Variants in PCDHA4 observed in about 807,000 individuals in gnomAD.
The protein encoded by PCDHA4 is protocadherin alpha-4.
In PCDHA4, 49 loss-of-function variants were observed where a neutral mutation model predicts 61.4. That is an observed-to-expected ratio of 0.80 (90% confidence interval 0.63 to 1.01). The LOEUF is 1.01. PCDHA4 is among the 50% of genes least tolerant of loss of function. PCDHA4 has a pLI of 0.00. For synonymous variants in PCDHA4, 590 were observed against 550.3 expected (o/e 1.07, Z -1.01); for missense variants, 1,254 against 1,235.8 (o/e 1.01, Z -0.22).
intron 1 of PCDHA4, chr5:140,851,957 G>A: frequency 1.0e-6 from 1 of 975,112 alleles, no homozygotes; most frequent in Non-Finnish European, 1.2e-6. Flanking sequence ...TCAAAATGGT[G>A]GTTTTCCACA....
chr5:140,882,226 G>T, intron 1 of PCDHA4: 1 of 1,564,150 alleles, frequency 6.4e-7, no homozygotes, highest in Admixed American at 1.9e-5. Context: ...GAGGTAAGGC[G>T]TTGTATATAT....
At chr5:140,901,502 T>G (rs782679945) in intron 1 of PCDHA4, among the ~76,000 whole-genome samples, 1 of 152,182 alleles carries the variant, frequency 6.6e-6, no homozygotes, top group Non-Finnish European at 1.5e-5. Context: ...CGAAAATGAG[T>G]TCATTATAGA....
At chr5:140,901,941 T>C (rs1350790379) in intron 1 of PCDHA4, among the ~76,000 whole-genome samples, 3 of 152,110 alleles carry the variant, frequency 2.0e-5, no homozygotes, top group African/African-American at 7.2e-5. Flanking sequence ...CTAGGTATAT[T>C]TAGTTTTATT....
chr5:140,884,745 A>G (rs1479357916), intron 1 of PCDHA4: 20 of 1,431,734 alleles, frequency 1.4e-5, no homozygotes, highest in Non-Finnish European at 1.7e-5. Context: ...TTTCCTGCCA[A>G]TTTCAAATTA....
rs201643490 is a variant in PCDHA4 at position 140,856,993 on chromosome 5, T to A, written c.2385+47421T>A. 5.0e-6 allele frequency: 8 copies of A among 1,595,442 alleles called. No homozygotes were observed. In the East Asian group the frequency reaches 1.3e-4, roughly 27 times the overall value. On this transcript the variant is annotated intron_variant, in intron 1 of 3. Transcript: ENST00000530339. Reference sequence around the variant, plus strand: ...TTGACTTTGAGGACAGTAACACTTATGAAATTCATGTAGATGTTACAGATA... The same window carrying A: ...TTGACTTTGAGGACAGTAACACTTAAGAAATTCATGTAGATGTTACAGATA...
Position 141,010,990 on chromosome 5 carries a change from A to G in PCDHA4, c.*1053A>G, listed in dbSNP as rs1399914066. The stretch of plus-strand genomic sequence containing the variant: ...GTGCTTTAAGAGAATTGCCTGAAAC[A>G]TCTGTATTATATCGGCCACCTGCCA... On this transcript the variant is annotated 3_prime_UTR_variant, in exon 4 of 4. Transcript: ENST00000530339. The G allele has an allele frequency of 6.5e-6, 1 of 153,770 alleles. No individual in the cohort carries two copies. Among genetic ancestry groups the G allele is most frequent in the Non-Finnish European group, 1.5e-5 (1 of 68,054 alleles). 9.5% of individuals were successfully genotyped at this position (153,770 alleles called of 1,614,324 possible). A position where few individuals can be genotyped will look rare whatever the true frequency, so the allele number is the denominator to read the frequency against.
chr5:140,994,233 T>A (rs2097606681), intron 3 of PCDHA4, among the ~76,000 whole-genome samples: 1 of 152,138 alleles, frequency 6.6e-6, no homozygotes, highest in Admixed American at 6.5e-5. Context: ...TATGTTATAA[T>A]CAATTCAAAC....
At chr5:140,837,003 A>T (rs1386958207) in intron 1 of PCDHA4, 2 of 326,856 alleles carry the variant, frequency 6.1e-6, no homozygotes, top group Admixed American at 8.8e-5. Flanking sequence ...AACTGGAGCA[A>T]TGGATTCACC....
intron 1 of PCDHA4, chr5:140,823,703 G>A: frequency 1.2e-6 from 2 of 1,613,934 alleles, no homozygotes; most frequent in South Asian, 2.2e-5. Flanking sequence ...GAAGCACCGC[G>A]CCACCGCCTT....
chr5:140,869,126 G>T, intron 1 of PCDHA4: 2 of 1,611,852 alleles, frequency 1.2e-6, no homozygotes, highest in South Asian at 2.2e-5. Flanking sequence ...CAGAGAAGGG[G>T]ATTGGGCACC....
At chr5:141,004,679 TG>T in intron 3 of PCDHA4, among the ~76,000 whole-genome samples, 1 of 152,160 alleles carries the variant, frequency 6.6e-6, no homozygotes, top group South Asian at 2.1e-4. Context: ...GACTGTGGAG[TG>T]GTGCTGAAAC....
At chr5:140,830,343 CGCA>C in intron 1 of PCDHA4, 1 of 1,614,058 alleles carries the variant, frequency 6.2e-7, no homozygotes, top group Non-Finnish European at 8.5e-7. Context: ...TGGTCGTACT[CGCA>C]GCAGAGGCGG....
rs868965340 is a variant in PCDHA4, at chr5:141,007,276, G to A, written c.2534-2351G>A. On this transcript the variant is annotated intron_variant, in intron 3 of 3. Transcript: ENST00000530339. ...TAAAAGAAGCAGATACAGGCTGGGT[G>A]CAGTGGGCTCATGCCTGTAATCTTA... Among the ~76,000 whole-genome samples the A allele has an allele frequency of 3.3e-5, 5 of 151,858 alleles. No homozygotes were observed. In the South Asian group the frequency reaches 8.3e-4, roughly 25 times the overall value.
chr5:140,822,244 T>C (rs1424372692), intron 1 of PCDHA4: 2 of 1,614,120 alleles, frequency 1.2e-6, no homozygotes, highest in Non-Finnish European at 1.7e-6. Flanking sequence ...AGAGGGCGCG[T>C]CGGATTTGGA....
chr5:140,877,465 G>A, intron 1 of PCDHA4: 1 of 1,613,856 alleles, frequency 6.2e-7, no homozygotes, highest in Non-Finnish European at 8.5e-7. Context: ...CACGGCCACG[G>A]TGCTGGTGTC....
chr5:140,870,805 C>T, intron 1 of PCDHA4: 4 of 1,613,712 alleles, frequency 2.5e-6, no homozygotes, highest in Non-Finnish European at 3.4e-6. Flanking sequence ...GCTGGCGACT[C>T]AGGCTGGCAG....
At position 140,809,536 on chromosome 5, in the gene PCDHA4, A is replaced by G. The variant is rs782052036; in HGVS notation, c.2349A>G (p.Glu783=). ...SPSLPDSRDR[E]DQLQTTEESF... is the part of the protein sequence containing the mutation. ...GTTTACCTGACTCTAGGGACAGAGA[A>G]GATCAGCTGCAGACAACTGAGGAAT... Residue 783 remains glutamate (E), a synonymous_variant, in exon 1 of 4, where the codon GAA becomes GAG. Coordinates refer to ENST00000530339, the MANE Select transcript of PCDHA4 (RefSeq NM_018907.4). 1 of 1,613,706 alleles carries G rather than the reference A, an allele frequency of 6.2e-7. No homozygotes were observed. Among genetic ancestry groups the G allele is most frequent in the Non-Finnish European group, 8.5e-7 (1 of 1,179,786 alleles).
chr5:140,858,350 A>C (rs1160044351), intron 1 of PCDHA4: 1 of 1,594,392 alleles, frequency 6.3e-7, no homozygotes, highest in East Asian at 2.2e-5. Context: ...GGCGGACCTC[A>C]TGGCCTTCAG....
intron 1 of PCDHA4, chr5:140,877,134 C>T (rs1339173132): frequency 1.4e-5 from 22 of 1,613,594 alleles, no homozygotes; most frequent in Non-Finnish European, 1.8e-5. Flanking sequence ...TGCAGGTGTT[C>T]GTGCTGGACG....
Sources: gnomAD v4.1 joint callset for allele counts (sites outside exome capture counted in the v4.1 genomes callset) on GRCh38, gnomAD v4.1.1 for gene constraint, MANE v1.5 for transcripts, NCBI Gene and HGNC (gene_info 2026-07-23, HGNC 2026-07-21) for gene names.